Variants in PTPRK observed in about 807,000 individuals in gnomAD.
The protein encoded by PTPRK is protein tyrosine phosphatase receptor type K.
PTPRK carries 75 observed loss-of-function variants against 178.0 expected under a neutral mutation model. The ratio of observed to expected loss-of-function variants is 0.42; its 90% CI spans 0.35 to 0.51. The LOEUF (loss-of-function observed/expected upper bound fraction) is 0.51. Ranked by LOEUF, PTPRK falls within the 20% of genes least tolerant of loss-of-function variation. The pLI is 0.02. For synonymous variants in PTPRK, 637 were observed against 620.6 expected, an observed-to-expected ratio of 1.03 and a Z score of -0.39; for missense variants, 1,441 against 1,797.8, an observed-to-expected ratio of 0.80 and a Z score of 3.59.
At chr6:128,051,944 G>A (rs1171167173) in intron 13 of PTPRK, among the ~76,000 whole-genome samples, 1 of 151,694 alleles carries the variant, frequency 6.6e-6, no homozygotes, top group African/African-American at 2.4e-5. Context: ...TCCTAGTGTG[G>A]TTGGCTCAGG....
intron 3 of PTPRK, among the ~76,000 whole-genome samples, chr6:128,295,249 A>G (rs890192939): frequency 6.6e-6 from 1 of 152,082 alleles, no homozygotes; most frequent in Admixed American, 6.6e-5. Context: ...CAACCACTTA[A>G]AAGTGTAAAA....
chr6:128,459,177 G>T (rs376021717), intron 1 of PTPRK, among the ~76,000 whole-genome samples: 2 of 152,016 alleles, frequency 1.3e-5, no homozygotes, highest in East Asian at 3.9e-4. Context: ...GTTCCTTCAA[G>T]TTTTAATATC....
intron 12 of PTPRK, among the ~76,000 whole-genome samples, chr6:128,065,776 T>A (rs1257165641): frequency 6.6e-6 from 1 of 152,202 alleles, no homozygotes; most frequent in African/African-American, 2.4e-5. Context: ...GAGACCTTCA[T>A]GGTAACCTGC....
intron 3 of PTPRK, among the ~76,000 whole-genome samples, chr6:128,243,488 T>TAAAAAAAAAAAAAAAAAA (rs760606919): frequency 3.4e-5 from 2 of 59,136 alleles, no homozygotes; most frequent in Non-Finnish European, 7.4e-5. Context: ...AGCCTGTCGC[T>TAAAAAAAAAAAAAAAAAA]AAAAAAAAAA....
At chr6:128,250,778 T>G (rs1038133060) in intron 3 of PTPRK, among the ~76,000 whole-genome samples, 1 of 152,186 alleles carries the variant, frequency 6.6e-6, no homozygotes, top group Non-Finnish European at 1.5e-5. Flanking sequence ...AATTCTAGAA[T>G]CTAGTTACTT....
chr6:128,103,055 T>C (rs968279226), intron 7 of PTPRK, among the ~76,000 whole-genome samples: 1 of 152,086 alleles, frequency 6.6e-6, no homozygotes, highest in Non-Finnish European at 1.5e-5. Flanking sequence ...CCTCTTCCCA[T>C]ATTAACACCA....
chr6:128,314,319 C>G (rs1461193965), intron 3 of PTPRK, among the ~76,000 whole-genome samples: 1 of 152,210 alleles, frequency 6.6e-6, no homozygotes, highest in Non-Finnish European at 1.5e-5. Flanking sequence ...CTATAGGAAC[C>G]TTGAAACTTA....
chr6:128,111,929 G>C (rs1266818255), intron 7 of PTPRK, among the ~76,000 whole-genome samples: 2 of 152,036 alleles, frequency 1.3e-5, no homozygotes, highest in African/African-American at 4.8e-5. Flanking sequence ...CATAACAGGT[G>C]TATCTGTGAA....
chr6:128,319,301 T>G (rs552421738), intron 3 of PTPRK, among the ~76,000 whole-genome samples: 4 of 152,176 alleles, frequency 2.6e-5, no homozygotes, highest in Non-Finnish European at 5.9e-5. Flanking sequence ...TCAAGTTATA[T>G]CTATGTATAT....
chr6:128,433,435 G>A (rs1172951411), intron 1 of PTPRK, among the ~76,000 whole-genome samples: 1 of 151,998 alleles, frequency 6.6e-6, no homozygotes, highest in African/African-American at 2.4e-5. Context: ...GTCCATCCCT[G>A]CTGTTGCAAA....
chr6:128,337,838 T>C (rs1831152777), intron 2 of PTPRK, among the ~76,000 whole-genome samples: 1 of 152,136 alleles, frequency 6.6e-6, no homozygotes, highest in African/African-American at 2.4e-5. Flanking sequence ...AAGTGATGTC[T>C]GAGCTGTGAC....
intron 13 of PTPRK, among the ~76,000 whole-genome samples, chr6:128,050,883 T>A (rs1173039222): frequency 1.3e-5 from 2 of 152,128 alleles, no homozygotes; most frequent in Non-Finnish European, 2.9e-5. Flanking sequence ...CGCTGAAAAA[T>A]TTTCAAAATG....
intron 11 of PTPRK, among the ~76,000 whole-genome samples, chr6:128,070,989 C>T (rs964798062): frequency 6.6e-5 from 10 of 151,618 alleles, no homozygotes; most frequent in Non-Finnish European, 1.3e-4. Context: ...TGAAAAATCC[C>T]GAGCATTATT....
chr6:128,491,715 T>A, intron 1 of PTPRK: 1 of 496,892 alleles, frequency 2.0e-6, no homozygotes, highest in South Asian at 1.5e-5. Context: ...AATCTATCAT[T>A]TTTTTTCTCT....
At chr6:127,986,019 A>T (rs917327801) in intron 21 of PTPRK, 144 bp from the exon 22 acceptor site, 45 of 703,192 alleles carry the variant, frequency 6.4e-5, no homozygotes, top group Non-Finnish European at 8.7e-5. Flanking sequence ...TTAAAAAAAA[A>T]ATATAATAAA....
chr6:128,003,184 T>G (rs1778035372), intron 15 of PTPRK: 1 of 1,597,498 alleles, frequency 6.3e-7, no homozygotes, highest in Admixed American at 1.7e-5. Context: ...ATGATAAAGA[T>G]TTAGGGCCTC....
chr6:128,341,346 G>T (rs1831631486), intron 2 of PTPRK, among the ~76,000 whole-genome samples: 1 of 152,034 alleles, frequency 6.6e-6, no homozygotes, highest in South Asian at 2.1e-4. Context: ...AGATAATTCT[G>T]CATTCACATT....
In PTPRK at chr6:127,983,393, A is replaced by G; in HGVS notation, c.3252-16T>C. On this transcript the variant is annotated splice_polypyrimidine_tract_variant and intron_variant, in intron 22 of 29. Transcript: ENST00000368226. ...AGCACCAGCACTGAAAAACAATTAA[A>G]TTTAATGAATTGTAAGAAGCATGTT... is the stretch of plus-strand genomic sequence containing the variant. 2 of 1,610,414 alleles carry G rather than the reference A, an allele frequency of 1.2e-6. No individual in the cohort carries two copies. The highest frequency in any genetic ancestry group is 1.7e-6 in the Non-Finnish European group (2 of 1,178,148).
Position 127,976,798 on chromosome 6 carries a change from TTTG to T in PTPRK, c.3844-19_3844-17del. Reference sequence around the variant, plus strand: ...GAGGGCAGCCCTAAATGATGAACGTTTTGAAAGAAAAAAAAAAAGAGTATTATT... The same window carrying T: ...GAGGGCAGCCCTAAATGATGAACGTTAAAGAAAAAAAAAAAGAGTATTATT... On this transcript the variant is annotated splice_polypyrimidine_tract_variant and intron_variant, in intron 26 of 29. Transcript: ENST00000368226. 1 of 1,600,866 alleles carries T rather than the reference TTTG, an allele frequency of 6.2e-7. No individual in the cohort carries two copies. Among genetic ancestry groups the T allele is most frequent in the Admixed American group, 1.7e-5 (1 of 57,688 alleles).
Sources: allele counts gnomAD v4.1 joint callset (sites outside exome capture counted in the v4.1 genomes callset), GRCh38; gene constraint gnomAD v4.1.1; transcripts MANE v1.5; gene names NCBI Gene and HGNC (gene_info 2026-07-23, HGNC 2026-07-21).